Variants in TOB2 observed in about 807,000 individuals in gnomAD.
TOB2 encodes the protein transducer of ERBB2, 2.
Under a neutral mutation model 17.3 loss-of-function variants are expected in TOB2, and 3 were observed. The observed-to-expected ratio is 0.17, with a 90% CI of 0.08 to 0.45. TOB2 has a LOEUF of 0.45. Ranked by LOEUF, TOB2 falls within the 20% of genes least tolerant of loss-of-function variation. The pLI is 0.99. For missense variants in TOB2, 407 were observed against 445.7 expected, an observed-to-expected ratio of 0.91 and a Z score of 0.78; for synonymous variants, 163 against 185.6, an observed-to-expected ratio of 0.88 and a Z score of 0.99.
rs960719762 is a variant in TOB2, at chr22:41,434,825, A to C, written c.*1486T>G. ...CCTCTCCTGGCAGAGGCAGGAGAGC[A>C]AGTGCTCTCCTATGATCCAATACAT... is the stretch of plus-strand genomic sequence containing the variant. On this transcript the variant is annotated 3_prime_UTR_variant, in exon 2 of 2. Coordinates refer to ENST00000327492, the MANE Select transcript of TOB2 (RefSeq NM_016272.4). 3.3e-5 allele frequency: 5 copies of C among 152,504 alleles called. No homozygotes were observed. The highest frequency in any genetic ancestry group is 1.2e-4 in the African/African-American group (5 of 41,412). 9.4% of individuals were successfully genotyped at this position (152,504 alleles called of 1,614,324 possible).
chr22:41,446,053 A>G (rs2037682662), intron 1 of TOB2, among the ~76,000 whole-genome samples: 1 of 152,134 alleles, frequency 6.6e-6, no homozygotes, highest in Admixed American at 6.5e-5. Flanking sequence ...AACAAGGAAG[A>G]TCTAGCGAGT....
intron 1 of TOB2, among the ~76,000 whole-genome samples, chr22:41,442,185 G>A (rs2037628335): frequency 6.6e-6 from 1 of 151,730 alleles, no homozygotes; most frequent in African/African-American, 2.4e-5. Context: ...TGTTTCCAAA[G>A]TATTTTTGAA....
In TOB2 at chr22:41,436,491, C is replaced by T. The variant is rs1021384771; in HGVS notation, c.855G>A (p.Pro285=). The T allele has an allele frequency of 2.4e-5, 39 of 1,613,800 alleles. No homozygotes were observed. The highest frequency in any genetic ancestry group is 3.3e-4 in the Middle Eastern group (2 of 6,062). Residue 285 remains proline (P), a synonymous_variant, in exon 2 of 2, where the codon CCG becomes CCA. Coordinates refer to ENST00000327492, the MANE Select transcript of TOB2 (RefSeq NM_016272.4). The surrounding 1 kb of genome is among the most constrained non-coding windows in gnomAD (Gnocchi z 4.8). ...AGGTGCCAGCCCCACTGCCTCCAAA[C>T]GGGCCTGGGGTGCCGCTGCCCTGGC... The part of the protein sequence containing the change: ...ADGQGSGTPG[P]FGGSGAGTCN...
At chr22:41,438,630 CAAAAAAAAAAAAA>C (rs749494672) in intron 1 of TOB2, among the ~76,000 whole-genome samples, 60 of 12,692 alleles carry the variant, frequency 4.7e-3, no homozygotes, top group Admixed American at 0.016. Flanking sequence ...AACTCTGTCT[CAAAAAAAAAAAAA>C]AAAAAAAAAA....
chr22:41,437,404 G>T lies in TOB2; in HGVS notation c.-59C>A. On this transcript the variant is annotated 5_prime_UTR_variant, in exon 2 of 2. Transcript: ENST00000327492. ...ACGTGTACAGCCTTGGGCTCCAGGC[G>T]GCTCTGGGAAATGAGAGGCACCGTG... 1 of 1,533,318 alleles carries T rather than the reference G, an allele frequency of 6.5e-7. No individual in the cohort carries two copies. The highest frequency in any genetic ancestry group is 8.7e-7 in the Non-Finnish European group (1 of 1,144,148). 95.0% of individuals were successfully genotyped at this position (1,533,318 alleles called of 1,614,324 possible).
intron 1 of TOB2, among the ~76,000 whole-genome samples, chr22:41,439,398 A>G (rs1281087678): frequency 1.3e-5 from 2 of 152,140 alleles, no homozygotes; most frequent in African/African-American, 4.8e-5. Context: ...TGAGTTTTCT[A>G]AACACCTGCC....
intron 1 of TOB2, among the ~76,000 whole-genome samples, chr22:41,446,146 G>A (rs989781843): frequency 6.6e-6 from 1 of 152,226 alleles, no homozygotes; most frequent in Non-Finnish European, 1.5e-5. Flanking sequence ...GGAACTGGGA[G>A]AAAAAGGAGC....
intron 1 of TOB2, among the ~76,000 whole-genome samples, chr22:41,439,763 G>A (rs1311750983): frequency 6.6e-6 from 1 of 152,150 alleles, no homozygotes; most frequent in Non-Finnish European, 1.5e-5. Flanking sequence ...TGTTCCGCCT[G>A]CCTTGGTCTC....
intron 1 of TOB2, among the ~76,000 whole-genome samples, chr22:41,443,873 GC>G (rs1487967987): frequency 6.6e-6 from 1 of 152,058 alleles, no homozygotes; most frequent in Non-Finnish European, 1.5e-5. Flanking sequence ...TCCGCTGCCC[GC>G]CTCAGCCTCC....
At chr22:41,442,094 CA>C (rs34651461) in intron 1 of TOB2, among the ~76,000 whole-genome samples, 137 of 105,842 alleles carry the variant, frequency 1.3e-3, no homozygotes, top group East Asian at 2.4e-3. Flanking sequence ...AATTCTGCCT[CA>C]AAAAAAAAAA....
Position 41,436,936 on chromosome 22 carries a change from G to T in TOB2, c.410C>A (p.Ala137Asp). 1 of 1,614,206 alleles carries T rather than the reference G, an allele frequency of 6.2e-7. No homozygotes were observed. Among genetic ancestry groups the T allele is most frequent in the Non-Finnish European group, 8.5e-7 (1 of 1,180,038 alleles). ...GCTGCCAATGGGCACGAACACCTGGGCGTCAGGGTTGAAGCTGCTCTTGAT... is the reference window on the plus strand; with the variant it reads ...GCTGCCAATGGGCACGAACACCTGGTCGTCAGGGTTGAAGCTGCTCTTGAT... ...KEIKSSFNPD[A>D]QVFVPIGSQD... is the part of the protein sequence containing the mutation. Residue 137 changes from alanine (A) to aspartate (D), a missense_variant, in exon 2 of 2, where the codon GCC (alanine) becomes GAC (aspartate). Coordinates refer to ENST00000327492, the MANE Select transcript of TOB2 (RefSeq NM_016272.4). This position sits in a 1 kb window ranked among gnomAD's most constrained non-coding sequence, Gnocchi z 4.8.
chr22:41,437,873 C>A (rs1417542015), intron 1 of TOB2, among the ~76,000 whole-genome samples: 1 of 148,024 alleles, frequency 6.8e-6, no homozygotes, highest in Non-Finnish European at 1.5e-5. Context: ...TTGCTTCAAC[C>A]CAGGAGGCAG....
At position 41,443,468 on chromosome 22, in the gene TOB2, C is replaced by T. The variant is rs180854083; in HGVS notation, c.-63+2911G>A. 2.7e-4 allele frequency among the ~76,000 whole-genome samples: 41 copies of T among 151,554 alleles called. No individual in the cohort carries two copies. The South Asian group carries it at 5.4e-3, about 20-fold the overall frequency. The stretch of plus-strand genomic sequence containing the variant: ...CCGAGTAGCTGGGATTATAGGCACG[C>T]GGGACCACGCCCGGCTAATTTTTGT... On this transcript the variant is annotated intron_variant, in intron 1 of 1. Coordinates refer to ENST00000327492, the MANE Select transcript of TOB2 (RefSeq NM_016272.4).
intron 1 of TOB2, among the ~76,000 whole-genome samples, chr22:41,445,249 T>G (rs868367026): frequency 3.3e-5 from 5 of 152,228 alleles, no homozygotes; most frequent in Non-Finnish European, 7.3e-5. Flanking sequence ...TAAAATTCTG[T>G]GTGTCTCCTC....
At chr22:41,438,730 G>A (rs907942170) in intron 1 of TOB2, among the ~76,000 whole-genome samples, 33 of 149,938 alleles carry the variant, frequency 2.2e-4, no homozygotes, top group African/African-American at 7.4e-4. Context: ...CAGAGATGTG[G>A]ACCAACAAGG....
At position 41,437,010 on chromosome 22, in the gene TOB2, C is replaced by T. The variant is rs893968110; in HGVS notation, c.336G>A (p.Leu112=). The change falls in exon 2 of 2, where the codon CTG becomes CTA. Residue 112 remains leucine, a synonymous_variant. Coordinates refer to ENST00000327492, the MANE Select transcript of TOB2 (RefSeq NM_016272.4). ...QIGEKGAVKV[L]YLDDSEGCGA... is the part of the protein sequence containing the mutation. ...CGCAACCCTCACTGTCATCCAGGTA[C>T]AGCACTTTCACAGCTCCCTTCTCAC... 2 of 1,614,164 alleles carry T rather than the reference C, an allele frequency of 1.2e-6. No individual in the cohort carries two copies. Among genetic ancestry groups the T allele is most frequent in the African/African-American group, 2.7e-5 (2 of 75,032 alleles).
At chr22:41,437,485 C>G in intron 1 of TOB2, 78 bp from the exon 2 acceptor site, 1 of 1,455,124 alleles carries the variant, frequency 6.9e-7, no homozygotes, top group African/African-American at 1.4e-5. Context: ...CAGAAAAGCA[C>G]CAACTTTGGA....
Position 41,437,267 on chromosome 22 carries a change from G to A in TOB2, c.79C>T (p.Leu27=), listed in dbSNP as rs377085069. 35 of 1,614,010 alleles carry A rather than the reference G, an allele frequency of 2.2e-5. No homozygotes were observed. Among genetic ancestry groups the A allele is most frequent in the Non-Finnish European group, 2.6e-5 (31 of 1,180,020 alleles). ...YNKLPRRRAD[L]FGEELERLLK... The stretch of plus-strand genomic sequence containing the variant: ...AGCCGCTCTAGCTCCTCCCCAAACA[G>A]GTCTGCCCGGCGCCGGGGCAGCTTG... The change falls in exon 2 of 2, where the codon CTG becomes TTG. Residue 27 remains leucine (L), a synonymous_variant. Transcript: ENST00000327492.
intron 1 of TOB2, among the ~76,000 whole-genome samples, chr22:41,445,741 C>T (rs2037677261): frequency 6.6e-6 from 1 of 152,202 alleles, no homozygotes; most frequent in Non-Finnish European, 1.5e-5. Flanking sequence ...CACTCACTGG[C>T]ACTGCTCTAA....
Sources: gnomAD v4.1 joint callset for allele counts (sites outside exome capture counted in the v4.1 genomes callset) on GRCh38, gnomAD v4.1.1 for gene constraint, Gnocchi (gnomAD v3.1) non-coding constraint, MANE v1.5 for transcripts, NCBI Gene and HGNC (gene_info 2026-07-23, HGNC 2026-07-21) for gene names.